STRN3: variants seen among roughly 807,000 people sequenced by gnomAD.
STRN3 encodes the protein striatin-3.
A neutral mutation model predicts 95.6 loss-of-function variants in STRN3; 29 were observed. That is an observed-to-expected ratio of 0.30 (90% CI 0.23 to 0.41). The LOEUF is 0.41. STRN3 is among the 10% of genes least tolerant of loss of function. The probability of loss-of-function intolerance (pLI) is 1.00; values close to 1 mark genes in which losing one functional copy is unlikely to be tolerated. For missense variants in STRN3, 890 were observed against 972.1 expected, an observed-to-expected ratio of 0.92 and a Z score of 1.12; for synonymous variants, 331 against 357.6, an observed-to-expected ratio of 0.93 and a Z score of 0.84.
At chr14:30,994,793 CT>C (rs1246142529) in intron 1 of STRN3, among the ~76,000 whole-genome samples, 1 of 152,204 alleles carries the variant, frequency 6.6e-6, no homozygotes, top group East Asian at 1.9e-4. Context: ...AAGACATGCA[CT>C]TTTTCTTAGT....
At chr14:31,019,886 CTTT>C (rs67956918) in intron 1 of STRN3, among the ~76,000 whole-genome samples, 1 of 143,048 alleles carries the variant, frequency 7.0e-6, no homozygotes, top group African/African-American at 2.6e-5. Flanking sequence ...CACTCATTTT[CTTT>C]TTTTTTTTTT....
At chr14:30,987,898 C>T (rs1310525300) in intron 1 of STRN3, among the ~76,000 whole-genome samples, 1 of 152,026 alleles carries the variant, frequency 6.6e-6, no homozygotes, top group Non-Finnish European at 1.5e-5. Flanking sequence ...CCACCATGCC[C>T]AGCTAATTTT....
At chr14:30,967,736 C>T (rs752215418) in intron 1 of STRN3, among the ~76,000 whole-genome samples, 8 of 152,206 alleles carry the variant, frequency 5.3e-5, no homozygotes, top group Non-Finnish European at 8.8e-5. Flanking sequence ...AGGTAGCTTA[C>T]TAACTCAAAA....
At chr14:30,946,342 A>G (rs1373201674) in intron 5 of STRN3, among the ~76,000 whole-genome samples, 1 of 151,624 alleles carries the variant, frequency 6.6e-6, no homozygotes, top group Non-Finnish European at 1.5e-5. Flanking sequence ...CAGGAGTTTG[A>G]GACCAGCCTG....
At chr14:30,975,946 A>G (rs550134035) in intron 1 of STRN3, among the ~76,000 whole-genome samples, 1 of 152,308 alleles carries the variant, frequency 6.6e-6, no homozygotes, top group African/African-American at 2.4e-5. Flanking sequence ...ATATGCTAAG[A>G]CAGCAGAGAA....
At chr14:31,016,793 T>C (rs911470675) in intron 1 of STRN3, among the ~76,000 whole-genome samples, 5 of 152,174 alleles carry the variant, frequency 3.3e-5, no homozygotes, top group African/African-American at 9.7e-5. Flanking sequence ...TCCACCCGCT[T>C]TGGCCTCCCA....
intron 16 of STRN3, among the ~76,000 whole-genome samples, chr14:30,899,637 A>C (rs1896250953): frequency 6.6e-6 from 1 of 152,088 alleles, no homozygotes; most frequent in Non-Finnish European, 1.5e-5. Context: ...CCTCTGCTCA[A>C]AATATCCCCA....
At chr14:30,962,755 A>T (rs1363122679) in intron 1 of STRN3, among the ~76,000 whole-genome samples, 4 of 151,746 alleles carry the variant, frequency 2.6e-5, no homozygotes, top group African/African-American at 9.7e-5. Flanking sequence ...CTGGGCTCAA[A>T]CTCCTGGCCT....
chr14:30,982,676 T>C (rs1881470908), intron 1 of STRN3, among the ~76,000 whole-genome samples: 1 of 152,200 alleles, frequency 6.6e-6, no homozygotes, highest in East Asian at 1.9e-4. Flanking sequence ...TTGCAAGCAT[T>C]AAGCCACAGA....
At chr14:30,905,750 C>T (rs577792321) in intron 14 of STRN3, among the ~76,000 whole-genome samples, 192 bp from the exon 15 acceptor site, 2 of 152,230 alleles carry the variant, frequency 1.3e-5, no homozygotes, top group East Asian at 3.9e-4. Context: ...TATTTAAAAA[C>T]TTTATAGCAT....
At chr14:31,002,017 T>A (rs1443159248) in intron 1 of STRN3, among the ~76,000 whole-genome samples, 4 of 150,636 alleles carry the variant, frequency 2.7e-5, no homozygotes, top group African/African-American at 9.8e-5. Flanking sequence ...ATACAAAAAA[T>A]CAGCCGGGCA....
chr14:30,956,528 C>G lies in STRN3; in HGVS notation c.283-286G>C, dbSNP rs1426748197. ...AATTGGCCAGGTTTAGTGGTGTGTG[C>G]CCATAGTCCTAGCTACTCGAGGCTG... is the stretch of plus-strand genomic sequence containing the variant. On this transcript the variant is annotated intron_variant, in intron 1 of 17. Transcript: ENST00000357479. 4.6e-5 allele frequency among the ~76,000 whole-genome samples: 7 copies of G among 152,184 alleles called. No individual in the cohort carries two copies. In the East Asian group the frequency reaches 9.7e-4, roughly 21 times the overall value.
intron 4 of STRN3, among the ~76,000 whole-genome samples, chr14:30,950,394 AAG>A (rs145602669): frequency 0.016 from 2,428 of 152,316 alleles, 61 homozygotes; most frequent in African/African-American, 0.053. Context: ...AAAGACAAAA[AAG>A]ATTTGCCAGA....
intron 5 of STRN3, among the ~76,000 whole-genome samples, chr14:30,937,153 CA>C (rs542804432): frequency 1.2e-4 from 17 of 145,660 alleles, no homozygotes; most frequent in Middle Eastern, 3.6e-3. Flanking sequence ...AACCCATCTT[CA>C]AAAAAAAAAA....
At chr14:30,933,361 G>A (rs1878652372) in intron 7 of STRN3, among the ~76,000 whole-genome samples, 2 of 141,324 alleles carry the variant, frequency 1.4e-5, no homozygotes, top group South Asian at 4.4e-4. Flanking sequence ...TCAACATTTA[G>A]CAAAATCCTG....
At chr14:30,943,110 A>G (rs1879172308) in intron 5 of STRN3, among the ~76,000 whole-genome samples, 1 of 152,206 alleles carries the variant, frequency 6.6e-6, no homozygotes, top group African/African-American at 2.4e-5. Context: ...ATTTTTTCCT[A>G]TTATAAATAA....
chr14:30,987,208 T>C (rs1423141954), intron 1 of STRN3, among the ~76,000 whole-genome samples: 1 of 151,882 alleles, frequency 6.6e-6, no homozygotes, highest in Non-Finnish European at 1.5e-5. Context: ...AAAAAGAAAA[T>C]ATAAAATACA....
At chr14:30,936,426 A>G in intron 6 of STRN3, 69 bp downstream of exon 6, 18 of 1,514,802 alleles carry the variant, frequency 1.2e-5, no homozygotes, top group Non-Finnish European at 1.5e-5. Context: ...GTAACTTAAG[A>G]TATCTTAAAA....
chr14:30,987,373 G>A (rs538791674), intron 1 of STRN3, among the ~76,000 whole-genome samples: 1 of 152,090 alleles, frequency 6.6e-6, no homozygotes. Context: ...TGGGCGTGGT[G>A]GCAGGCGCCT....
Sources: gnomAD v4.1 joint callset for allele counts (sites outside exome capture counted in the v4.1 genomes callset) on GRCh38, gnomAD v4.1.1 for gene constraint, MANE v1.5 for transcripts, NCBI Gene and HGNC (gene_info 2026-07-23, HGNC 2026-07-21) for gene names.